SLC25A31: variants seen among roughly 807,000 people sequenced by gnomAD.
The protein encoded by SLC25A31 is ADP/ATP translocase 4.
SLC25A31 carries 40 observed loss-of-function variants against 36.2 expected under a neutral mutation model. The ratio of observed to expected loss-of-function variants is 1.10; its 90% CI spans 0.86 to 1.44. The LOEUF (loss-of-function observed/expected upper bound fraction) is 1.44, where lower values mean the gene tolerates loss of function less well. Ranked by LOEUF, SLC25A31 falls within the 40% of genes most tolerant of loss-of-function variation. The pLI, the probability that SLC25A31 is intolerant of heterozygous loss-of-function variation, is 0.00. For missense variants in SLC25A31, 350 were observed against 397.1 expected (o/e 0.88, Z 1.01); for synonymous variants, 143 against 149.7 (o/e 0.96, Z 0.32).
At chr4:127,750,328 A>C in intron 2 of SLC25A31, among the ~76,000 whole-genome samples, 1 of 152,220 alleles carries the variant, frequency 6.6e-6, no homozygotes, top group Middle Eastern at 3.2e-3. Context: ...TAAGTCAAAA[A>C]TGCATTTAAT....
At chr4:127,762,282 T>C (rs1378791450) in intron 2 of SLC25A31, among the ~76,000 whole-genome samples, 2 of 152,178 alleles carry the variant, frequency 1.3e-5, no homozygotes, top group Non-Finnish European at 2.9e-5. Flanking sequence ...TACTGCAACA[T>C]GGATGAACCT....
chr4:127,756,903 C>T (rs1203330804), intron 2 of SLC25A31, among the ~76,000 whole-genome samples: 1 of 152,086 alleles, frequency 6.6e-6, no homozygotes, highest in Non-Finnish European at 1.5e-5. Flanking sequence ...AAAAGTATGG[C>T]GATTTCTTAG....
chr4:127,734,057 A>G (rs1314512409), intron 1 of SLC25A31, among the ~76,000 whole-genome samples: 1 of 152,170 alleles, frequency 6.6e-6, no homozygotes, highest in African/African-American at 2.4e-5. Flanking sequence ...TTGTATGTGT[A>G]CTTTTATTTA....
intron 5 of SLC25A31, among the ~76,000 whole-genome samples, chr4:127,772,989 C>T (rs1490182959): frequency 1.3e-5 from 2 of 151,900 alleles, no homozygotes; most frequent in Admixed American, 1.3e-4. Flanking sequence ...TTCCATATTG[C>T]CCAGGGTGGT....
intron 2 of SLC25A31, among the ~76,000 whole-genome samples, chr4:127,746,225 AATTCCAGG>A (rs759390954): frequency 4.9e-4 from 74 of 152,258 alleles, no homozygotes; most frequent in Non-Finnish European, 8.7e-4. Flanking sequence ...CACTTAGGTT[AATTCCAGG>A]TTTTTGCTAT....
At chr4:127,735,929 G>T (rs1288558166) in intron 1 of SLC25A31, among the ~76,000 whole-genome samples, 1 of 127,516 alleles carries the variant, frequency 7.8e-6, no homozygotes, top group African/African-American at 2.9e-5. Context: ...TCGCTCTGTC[G>T]CCCAGGCTGG....
chr4:127,759,896 A>G (rs1732096294), intron 2 of SLC25A31, among the ~76,000 whole-genome samples: 1 of 152,232 alleles, frequency 6.6e-6, no homozygotes, highest in African/African-American at 2.4e-5. Context: ...GAAAAAGCCA[A>G]TCTCAAAGGT....
chr4:127,733,672 A>G (rs2148751746), intron 1 of SLC25A31, among the ~76,000 whole-genome samples: 1 of 152,290 alleles, frequency 6.6e-6, no homozygotes, highest in Non-Finnish European at 1.5e-5. Context: ...AATTTCTTGC[A>G]ATTTGCCTTC....
At chr4:127,734,101 A>G (rs1464464386) in intron 1 of SLC25A31, among the ~76,000 whole-genome samples, 1 of 152,246 alleles carries the variant, frequency 6.6e-6, no homozygotes, top group Non-Finnish European at 1.5e-5. Flanking sequence ...CAAATAATGC[A>G]TAATTATTGT....
At chr4:127,772,266 T>C (rs1393941169) in intron 5 of SLC25A31, among the ~76,000 whole-genome samples, 3 of 152,240 alleles carry the variant, frequency 2.0e-5, no homozygotes, top group Admixed American at 2.0e-4. Context: ...TATAGTATTA[T>C]TCCAGTTCTT....
chr4:127,753,235 A>T (rs920342049), intron 2 of SLC25A31, among the ~76,000 whole-genome samples: 1 of 152,162 alleles, frequency 6.6e-6, no homozygotes, highest in Non-Finnish European at 1.5e-5. Flanking sequence ...ATAGCAACAG[A>T]AGAAAGACCT....
At chr4:127,764,195 A>G (rs1553930356) in intron 2 of SLC25A31, 48 bp from the exon 3 acceptor site, 1 of 1,462,578 alleles carries the variant, frequency 6.8e-7, no homozygotes, top group Admixed American at 1.9e-5. Context: ...TATTTTAAAC[A>G]GTTAGATTCT....
chr4:127,757,226 A>C (rs1732047811), intron 2 of SLC25A31, among the ~76,000 whole-genome samples: 1 of 152,168 alleles, frequency 6.6e-6, no homozygotes, highest in South Asian at 2.1e-4. Context: ...CATCTGTTGA[A>C]CCCATCAACC....
At position 127,744,654 on chromosome 4, in the gene SLC25A31, A is replaced by G; in HGVS notation, c.233-18A>G. Reference sequence around the variant, plus strand: ...TAATACAATGTAGGTTTATGTATTTATATGTTTCCCTCTGTAGGTTTCTTC... The same window carrying G: ...TAATACAATGTAGGTTTATGTATTTGTATGTTTCCCTCTGTAGGTTTCTTC... On this transcript the variant is annotated intron_variant, in intron 1 of 5. Coordinates refer to ENST00000281154, the MANE Select transcript of SLC25A31 (RefSeq NM_031291.4). The G allele has an allele frequency of 6.3e-7, 1 of 1,580,084 alleles. No individual in the cohort carries two copies. Among genetic ancestry groups the G allele is most frequent in the Non-Finnish European group, 8.6e-7 (1 of 1,165,696 alleles).
intron 2 of SLC25A31, among the ~76,000 whole-genome samples, chr4:127,763,920 A>G (rs1329599874): frequency 6.6e-6 from 1 of 152,172 alleles, no homozygotes; most frequent in Non-Finnish European, 1.5e-5. Context: ...TATTAAGGAA[A>G]AAAAAAAGTA....
chr4:127,773,133 T>A lies in SLC25A31; in HGVS notation c.760-253T>A, dbSNP rs4833391. 5.3e-3 allele frequency among the ~76,000 whole-genome samples: 805 copies of A among 152,034 alleles called. 7 individuals are homozygous for A. Among genetic ancestry groups the A allele is most frequent in the African/African-American group, 0.019 (767 of 41,438 alleles). Reference sequence around the variant, plus strand: ...TTGATTTCTCAGTTAATTGCAGTGCTGTGAGAGGATAAATCATGGTCTATG... The same window carrying A: ...TTGATTTCTCAGTTAATTGCAGTGCAGTGAGAGGATAAATCATGGTCTATG... On this transcript the variant is annotated intron_variant, in intron 5 of 5. Transcript: ENST00000281154.
At chr4:127,736,710 CT>C (rs1353959200) in intron 1 of SLC25A31, among the ~76,000 whole-genome samples, 3 of 152,090 alleles carry the variant, frequency 2.0e-5, no homozygotes, top group Non-Finnish European at 4.4e-5. Context: ...CTATACCTAT[CT>C]GATACGGTAG....
chr4:127,735,819 A>C (rs1731614164), intron 1 of SLC25A31, among the ~76,000 whole-genome samples: 2 of 150,392 alleles, frequency 1.3e-5, no homozygotes, highest in Admixed American at 1.3e-4. Flanking sequence ...AAAAAAAAAA[A>C]AAAATGTTGG....
At chr4:127,771,904 A>G (rs560102912) in intron 5 of SLC25A31, among the ~76,000 whole-genome samples, 1 of 152,220 alleles carries the variant, frequency 6.6e-6, no homozygotes, top group Non-Finnish European at 1.5e-5. Context: ...TCTGTTTTCT[A>G]GAGCTAACTC....
Sources: gnomAD v4.1 joint callset for allele counts (sites outside exome capture counted in the v4.1 genomes callset) on GRCh38, gnomAD v4.1.1 for gene constraint, MANE v1.5 for transcripts, NCBI Gene and HGNC (gene_info 2026-07-23, HGNC 2026-07-21) for gene names.